JCAD: variants seen among roughly 807,000 people sequenced by gnomAD.
JCAD encodes junctional cadherin 5-associated protein.
A neutral mutation model predicts 98.0 loss-of-function variants in JCAD; 40 were observed. That is an observed-to-expected ratio of 0.41 (90% CI 0.32 to 0.53). The LOEUF (loss-of-function observed/expected upper bound fraction) is 0.53, where lower values mean the gene tolerates loss of function less well. Ranked by LOEUF, JCAD falls within the 20% of genes least tolerant of loss-of-function variation. JCAD has a pLI of 0.31. For missense variants in JCAD, 1,705 were observed against 1,738.1 expected, an observed-to-expected ratio of 0.98 and a Z score of 0.34; for synonymous variants, 691 against 682.3, an observed-to-expected ratio of 1.01 and a Z score of -0.20.
At position 30,074,613 on chromosome 10, in the gene JCAD, T is replaced by C. The variant is rs16931004; in HGVS notation, n.129-4792A>G. Among the ~76,000 whole-genome samples, 1,124 of 152,288 alleles carry C rather than the reference T, an allele frequency of 7.4e-3. 11 individuals are homozygous for C. Among genetic ancestry groups the C allele is most frequent in the Middle Eastern group, 0.024 (7 of 294 alleles). On this transcript the variant is annotated intron_variant and non_coding_transcript_variant, in intron 1 of 2. Transcript: ENST00000465712. ...GAGTGCTTTCAGTGTGGTAGGGCTA[T>C]AGATGAAAGGAGAATTCAAAAAGGG...
intron 1 of JCAD, among the ~76,000 whole-genome samples, chr10:30,087,381 G>C (rs1838183748): frequency 6.6e-6 from 1 of 152,182 alleles, no homozygotes; most frequent in Non-Finnish European, 1.5e-5. Context: ...GGAGGTTACA[G>C]TGAGCCGAGA....
At chr10:30,104,926 T>C (rs922113465) in intron 1 of JCAD, among the ~76,000 whole-genome samples, 1 of 152,190 alleles carries the variant, frequency 6.6e-6, no homozygotes, top group Non-Finnish European at 1.5e-5. Context: ...GTGATAATAA[T>C]AGTTAGCATT....
upstream of JCAD, among the ~76,000 whole-genome samples, chr10:30,062,879 C>G (rs558764529): frequency 7.3e-4 from 111 of 152,256 alleles, no homozygotes; most frequent in South Asian, 0.019. Context: ...GGACACAGAG[C>G]CAAACCATAT....
chr10:30,112,832 A>C (rs886518173), intron 1 of JCAD, among the ~76,000 whole-genome samples: 3 of 149,298 alleles, frequency 2.0e-5, no homozygotes, highest in Non-Finnish European at 4.4e-5. Context: ...AGATTGTACC[A>C]CTGAACTCCA....
At chr10:30,106,473 A>T (rs1564474549) in intron 1 of JCAD, among the ~76,000 whole-genome samples, 1 of 152,028 alleles carries the variant, frequency 6.6e-6, no homozygotes, top group Non-Finnish European at 1.5e-5. Context: ...TCCCTGTAGA[A>T]CTTTGTCACT....
chr10:30,029,987 G>A (rs1318823882), intron 2 of JCAD, 121 bp from the exon 3 acceptor site: 6 of 1,107,632 alleles, frequency 5.4e-6, no homozygotes, highest in Non-Finnish European at 7.5e-6. Context: ...CCCAGCCACA[G>A]TACTTGCCAG....
rs555730029 is a variant in JCAD at position 30,014,266 on chromosome 10, C to G, written c.*3617G>C. ...GAAAATGCAAAAATCCCCCAGCCTG[C>G]AACAGCTTCGGCTTAAGAAACACAC... On this transcript the variant is annotated 3_prime_UTR_variant, in exon 4 of 4. Coordinates refer to ENST00000375377, the MANE Select transcript of JCAD (RefSeq NM_020848.4). The G allele has an allele frequency of 1.3e-5, 2 of 152,338 alleles. No homozygotes were observed. Among genetic ancestry groups the G allele is most frequent in the East Asian group, 3.9e-4 (2 of 5,186 alleles). The allele number at this position is 152,338 out of a possible 1,614,324, so 9.4% of individuals were successfully genotyped here.
chr10:30,040,050 G>T (rs1173666195), intron 2 of JCAD, among the ~76,000 whole-genome samples: 1 of 152,166 alleles, frequency 6.6e-6, no homozygotes, highest in Non-Finnish European at 1.5e-5. Context: ...TTGCTTGATC[G>T]CCTGGGGAAG....
intron 1 of JCAD, among the ~76,000 whole-genome samples, chr10:30,070,133 C>T (rs1837859518): frequency 6.6e-6 from 1 of 152,018 alleles, no homozygotes; most frequent in South Asian, 2.1e-4. Context: ...AGGAAGGCCA[C>T]CCATAAACAT....
Position 30,014,425 on chromosome 10 carries a change from TG to T in JCAD, c.*3457del, listed in dbSNP as rs1836491549. The T allele has an allele frequency of 6.6e-6, 1 of 152,306 alleles. No homozygotes were observed. The highest frequency in any genetic ancestry group is 2.1e-4 in the South Asian group (1 of 4,830). The allele number at this position is 152,306 out of a possible 1,614,324, so 9.4% of individuals were successfully genotyped here. On this transcript the variant is annotated 3_prime_UTR_variant, in exon 4 of 4. Transcript: ENST00000375377. ...GGAAATGTTTCTCTAAGCTCAAATA[TG>T]GATAGAAAGACAATTCTGCTGCACT...
Position 30,027,781 on chromosome 10 carries a change from G to A in JCAD, c.2367C>T (p.His789=), listed in dbSNP as rs934016218. ...AGRSQPCVDV[H]GLGAHPGPKR... The stretch of plus-strand genomic sequence containing the variant: ...TAGGCCCAGGGTGGGCTCCAAGCCC[G>A]TGGACATCCACGCAGGGCTGACTTC... Residue 789 remains histidine (H), a synonymous_variant, in exon 3 of 4, where the codon CAC becomes CAT. Transcript: ENST00000375377. 6.2e-7 allele frequency: 1 copy of A among 1,614,104 alleles called. No individual in the cohort carries two copies. Among genetic ancestry groups the A allele is most frequent in the African/African-American group, 1.3e-5 (1 of 74,952 alleles).
intron 1 of JCAD, among the ~76,000 whole-genome samples, chr10:30,051,386 C>T (rs1430333120): frequency 9.9e-5 from 15 of 151,858 alleles, no homozygotes; most frequent in Admixed American, 9.2e-4. Flanking sequence ...TAATATGATT[C>T]GTTCTTGAAT....
intron 1 of JCAD, among the ~76,000 whole-genome samples, chr10:30,075,559 G>T (rs1837966613): frequency 6.6e-6 from 1 of 152,170 alleles, no homozygotes; most frequent in African/African-American, 2.4e-5. Flanking sequence ...CCCACTGTTA[G>T]ATTTCAATCC....
At chr10:30,074,573 G>A (rs959313912) in intron 1 of JCAD, among the ~76,000 whole-genome samples, 1 of 152,228 alleles carries the variant, frequency 6.6e-6, no homozygotes, top group South Asian at 2.1e-4. Flanking sequence ...CTCATGGGAG[G>A]AGAATTCAGA....
At chr10:30,090,416 C>A (rs919397433) in intron 1 of JCAD, among the ~76,000 whole-genome samples, 2 of 152,044 alleles carry the variant, frequency 1.3e-5, no homozygotes, top group African/African-American at 4.8e-5. Flanking sequence ...GTGGCGGGTG[C>A]CTGTGATCCC....
chr10:30,052,220 C>T (rs1345527224), intron 1 of JCAD, among the ~76,000 whole-genome samples: 1 of 152,166 alleles, frequency 6.6e-6, no homozygotes, highest in African/African-American at 2.4e-5. Context: ...GTCTGTTTCT[C>T]CATGGTGCAC....
chr10:30,021,507 G>A (rs903315059), intron 3 of JCAD, among the ~76,000 whole-genome samples: 3 of 152,136 alleles, frequency 2.0e-5, no homozygotes, highest in Non-Finnish European at 2.9e-5. Flanking sequence ...TATTTTAAAT[G>A]TTCTAGTAGC....
chr10:30,090,724 G>A (rs1196198522), intron 1 of JCAD, among the ~76,000 whole-genome samples: 1 of 152,158 alleles, frequency 6.6e-6, no homozygotes, highest in African/African-American at 2.4e-5. Flanking sequence ...TGTAGGGAAC[G>A]TGGTGCCTCC....
At chr10:30,048,722 C>T (rs976906708) in intron 1 of JCAD, among the ~76,000 whole-genome samples, 7 of 152,090 alleles carry the variant, frequency 4.6e-5, no homozygotes, top group Non-Finnish European at 7.4e-5. Context: ...TATGCCACCA[C>T]GCCTGGCTAA....
Sources: gnomAD v4.1 joint callset for allele counts (sites outside exome capture counted in the v4.1 genomes callset) on GRCh38, gnomAD v4.1.1 for gene constraint, MANE v1.5 for transcripts, NCBI Gene and HGNC (gene_info 2026-07-23, HGNC 2026-07-21) for gene names.